The following CDK14 variants were observed in gnomAD, a reference collection of about 807,000 sequenced individuals.
The protein encoded by CDK14 is cyclin dependent kinase 14.
In CDK14, 34 loss-of-function variants were observed where a neutral mutation model predicts 60.7. That is an observed-to-expected ratio of 0.56 (90% CI 0.43 to 0.75). CDK14 has a LOEUF of 0.75. Among genes scored for constraint, CDK14 ranks in the 30% least tolerant of loss-of-function variants. The pLI is 0.00. For missense variants in CDK14, 482 were observed against 564.1 expected (o/e 0.85, Z 1.47); for synonymous variants, 197 against 203.7 (o/e 0.97, Z 0.28).
intron 2 of CDK14, among the ~76,000 whole-genome samples, chr7:90,640,201 G>A (rs112646085): frequency 9.9e-5 from 15 of 152,032 alleles, no homozygotes; most frequent in Non-Finnish European, 1.8e-4. Context: ...GAAATCACCC[G>A]TCTTCTGCGT....
intron 11 of CDK14, among the ~76,000 whole-genome samples, chr7:91,066,373 A>G (rs1797981559): frequency 6.6e-6 from 1 of 152,150 alleles, no homozygotes; most frequent in Non-Finnish European, 1.5e-5. Context: ...CTCCTCCCAA[A>G]AAAAGAAAGA....
At chr7:91,030,259 T>C (rs1796724782) in intron 10 of CDK14, among the ~76,000 whole-genome samples, 1 of 152,224 alleles carries the variant, frequency 6.6e-6, no homozygotes, top group Non-Finnish European at 1.5e-5. Flanking sequence ...ACGTTAAACT[T>C]ACCAGAGGTT....
intron 2 of CDK14, among the ~76,000 whole-genome samples, chr7:90,725,585 C>T (rs1223435427): frequency 6.6e-6 from 1 of 152,060 alleles, no homozygotes; most frequent in Non-Finnish European, 1.5e-5. Context: ...CTTTTGATAG[C>T]ATATAGGGAT....
intron 5 of CDK14, among the ~76,000 whole-genome samples, chr7:90,840,665 T>A (rs73222736): frequency 0.15 from 22,418 of 152,206 alleles, 1,813 homozygotes; most frequent in Middle Eastern, 0.25. Flanking sequence ...CTGGAAGAGA[T>A]GTAGGAATTC....
At chr7:90,800,045 C>T (rs1261915471) in intron 5 of CDK14, among the ~76,000 whole-genome samples, 1 of 152,064 alleles carries the variant, frequency 6.6e-6, no homozygotes, top group African/African-American at 2.4e-5. Flanking sequence ...AAAAGGGGAC[C>T]TCTCATGGTA....
intron 2 of CDK14, among the ~76,000 whole-genome samples, chr7:90,633,395 A>G (rs1800050091): frequency 6.6e-6 from 1 of 152,194 alleles, no homozygotes; most frequent in Non-Finnish European, 1.5e-5. Context: ...AAAATTTCTT[A>G]GATATATGCA....
chr7:90,700,860 A>G (rs1801769019), intron 2 of CDK14, among the ~76,000 whole-genome samples: 1 of 152,162 alleles, frequency 6.6e-6, no homozygotes, highest in Non-Finnish European at 1.5e-5. Flanking sequence ...TTGTATAAGT[A>G]TCTGTGAGAG....
chr7:90,648,684 T>C (rs147238575), intron 2 of CDK14, among the ~76,000 whole-genome samples: 1 of 152,050 alleles, frequency 6.6e-6, no homozygotes, highest in Non-Finnish European at 1.5e-5. Flanking sequence ...TTAAACAGAT[T>C]TGGGGAAGCT....
chr7:91,010,064 T>C (rs897019620), intron 10 of CDK14, among the ~76,000 whole-genome samples: 3 of 152,144 alleles, frequency 2.0e-5, no homozygotes, highest in African/African-American at 7.2e-5. Flanking sequence ...CTCCACTGAA[T>C]TGCTTTTGCA....
intron 5 of CDK14, among the ~76,000 whole-genome samples, chr7:90,848,993 A>C (rs1209332798): frequency 6.6e-6 from 1 of 152,182 alleles, no homozygotes; most frequent in East Asian, 1.9e-4. Context: ...GGACACATAA[A>C]ACCCACTTTA....
chr7:91,063,689 A>C (rs924836571), intron 11 of CDK14, among the ~76,000 whole-genome samples: 15 of 152,220 alleles, frequency 9.9e-5, no homozygotes, highest in African/African-American at 3.6e-4. Context: ...TTAGAGGAGC[A>C]TCAACGTATT....
intron 11 of CDK14, among the ~76,000 whole-genome samples, chr7:91,055,241 AAAG>A (rs1797514718): frequency 6.6e-6 from 1 of 152,230 alleles, no homozygotes; most frequent in Non-Finnish European, 1.5e-5. Context: ...TAAAAATAAA[AAAG>A]AAACAACCAA....
chr7:90,615,990 C>A (rs1011058371), intron 2 of CDK14, among the ~76,000 whole-genome samples: 18 of 152,110 alleles, frequency 1.2e-4, no homozygotes, highest in Non-Finnish European at 1.8e-4. Context: ...ATATCTGTTG[C>A]TGAATTATTA....
rs368293837 is a variant in CDK14, at chr7:90,746,248, T to A, written c.370-1433T>A. On this transcript the variant is annotated intron_variant, in intron 3 of 14. Transcript: ENST00000380050. The stretch of plus-strand genomic sequence containing the variant: ...TTTGTTTTCTGCTTCTAATTCTGAT[T>A]TATTGTTTTTGAAAAATAACTTTTA... 2.7e-4 allele frequency among the ~76,000 whole-genome samples: 41 copies of A among 152,350 alleles called. No homozygotes were observed. The South Asian group carries it at 8.3e-3, about 31-fold the overall frequency.
At chr7:90,754,745 G>C (rs1488370005) in intron 4 of CDK14, among the ~76,000 whole-genome samples, 1 of 152,054 alleles carries the variant, frequency 6.6e-6, no homozygotes, top group Admixed American at 6.6e-5. Context: ...TAGAATCTCT[G>C]AGGAACTTAC....
intron 8 of CDK14, among the ~76,000 whole-genome samples, chr7:90,934,111 C>T (rs956055758): frequency 6.6e-6 from 1 of 152,220 alleles, no homozygotes; most frequent in Admixed American, 6.5e-5. Context: ...CATCATGTGC[C>T]CCTGGAAAGG....
chr7:90,885,048 G>A (rs1791896668), intron 6 of CDK14, among the ~76,000 whole-genome samples: 1 of 151,958 alleles, frequency 6.6e-6, no homozygotes, highest in Non-Finnish European at 1.5e-5. Context: ...TGACAGAAAC[G>A]CCAAAAATAA....
intron 5 of CDK14, among the ~76,000 whole-genome samples, chr7:90,820,197 G>A (rs554663324): frequency 2.9e-4 from 44 of 152,226 alleles, no homozygotes; most frequent in African/African-American, 9.4e-4. Flanking sequence ...ATTTTTATTT[G>A]CTAAATATGG....
At position 91,118,222 on chromosome 7, in the gene CDK14, C is replaced by A; in HGVS notation, c.*28+14C>A. The A allele has an allele frequency of 8.7e-7, 1 of 1,153,722 alleles. No individual in the cohort carries two copies. Among genetic ancestry groups the A allele is most frequent in the Non-Finnish European group, 1.3e-6 (1 of 774,404 alleles). 71.5% of individuals were successfully genotyped at this position (1,153,722 alleles called of 1,614,324 possible). A position where few individuals can be genotyped will look rare whatever the true frequency, so the allele number is the denominator to read the frequency against. On this transcript the variant is annotated intron_variant, in intron 14 of 14. Transcript: ENST00000380050. Reference sequence around the variant, plus strand: ...AAGAGCACACAGGTAAGAGGACCTGCTTTACCTGGAAAGTAATATTTAATG... The same window carrying A: ...AAGAGCACACAGGTAAGAGGACCTGATTTACCTGGAAAGTAATATTTAATG...
Sources: gnomAD v4.1 joint callset for allele counts (sites outside exome capture counted in the v4.1 genomes callset) on GRCh38, gnomAD v4.1.1 for gene constraint, MANE v1.5 for transcripts, NCBI Gene and HGNC (gene_info 2026-07-23, HGNC 2026-07-21) for gene names.